Variants in NKAIN3 observed in about 807,000 individuals in gnomAD.
NKAIN3 encodes the protein sodium/potassium transporting ATPase interacting 3.
Under a neutral mutation model 30.2 loss-of-function variants are expected in NKAIN3, and 25 were observed. The observed-to-expected ratio is 0.83, with a 90% confidence interval of 0.60 to 1.16. The LOEUF is 1.16. Ranked by LOEUF, NKAIN3 falls within the 50% of genes most tolerant of loss-of-function variation. The probability of loss-of-function intolerance (pLI) is 0.00; values close to 1 mark genes in which losing one functional copy is unlikely to be tolerated. For synonymous variants in NKAIN3, 91 were observed against 89.6 expected, an observed-to-expected ratio of 1.02 and a Z score of -0.09; for missense variants, 225 against 254.1, an observed-to-expected ratio of 0.89 and a Z score of 0.78.
chr8:62,643,346 G>C (rs1812363288), intron 3 of NKAIN3, among the ~76,000 whole-genome samples: 1 of 152,136 alleles, frequency 6.6e-6, no homozygotes, highest in Non-Finnish European at 1.5e-5. Flanking sequence ...ATTTTCTGCA[G>C]GCTGGCCTCC....
chr8:62,801,155 T>C (rs189162026), intron 4 of NKAIN3, among the ~76,000 whole-genome samples: 4,152 of 152,320 alleles, frequency 0.027, 203 homozygotes, highest in African/African-American at 0.095. Flanking sequence ...CAAGGAGGCC[T>C]GCCTGCCTCT....
chr8:62,288,947 G>T (rs1585637302), intron 1 of NKAIN3, among the ~76,000 whole-genome samples: 1 of 152,208 alleles, frequency 6.6e-6, no homozygotes. Context: ...ACTGGTGTGA[G>T]ATGGTATCAC....
At chr8:62,897,689 T>C (rs923818121) in intron 4 of NKAIN3, among the ~76,000 whole-genome samples, 1 of 152,146 alleles carries the variant, frequency 6.6e-6, no homozygotes, top group Non-Finnish European at 1.5e-5. Context: ...GGAAGGTGTT[T>C]GAGTCAGTGG....
At chr8:62,445,584 A>T (rs182094517) in intron 1 of NKAIN3, among the ~76,000 whole-genome samples, 1 of 152,278 alleles carries the variant, frequency 6.6e-6, no homozygotes, top group East Asian at 1.9e-4. Flanking sequence ...TGAGAAGGTG[A>T]AATACAAGTT....
At chr8:62,571,798 A>G (rs1335768992) in intron 1 of NKAIN3, among the ~76,000 whole-genome samples, 2 of 152,100 alleles carry the variant, frequency 1.3e-5, no homozygotes, top group Non-Finnish European at 2.9e-5. Context: ...CCTGAGCTCT[A>G]TGTTGGCTCC....
chr8:62,793,223 C>T (rs1051754553), intron 4 of NKAIN3, among the ~76,000 whole-genome samples: 2 of 151,922 alleles, frequency 1.3e-5, no homozygotes, highest in African/African-American at 2.4e-5. Context: ...TCCCAAAAGT[C>T]CAAGAACAAG....
At chr8:62,736,361 T>C (rs756567388) in intron 3 of NKAIN3, among the ~76,000 whole-genome samples, 1 of 152,144 alleles carries the variant, frequency 6.6e-6, no homozygotes, top group Non-Finnish European at 1.5e-5. Flanking sequence ...CTGTGGTTAC[T>C]GTGGGGGTTG....
chr8:62,509,079 A>G (rs369170094), intron 1 of NKAIN3, among the ~76,000 whole-genome samples: 344 of 152,246 alleles, frequency 2.3e-3, no homozygotes, highest in African/African-American at 7.9e-3. Flanking sequence ...AAAAATACCT[A>G]CAACAAGTGA....
chr8:62,552,335 G>C (rs1213695871), intron 1 of NKAIN3, among the ~76,000 whole-genome samples: 1 of 152,160 alleles, frequency 6.6e-6, no homozygotes, highest in Non-Finnish European at 1.5e-5. Context: ...GCATGAGTCT[G>C]ATAATCCCTC....
At chr8:62,826,484 C>A (rs557295982) in intron 4 of NKAIN3, among the ~76,000 whole-genome samples, 4 of 152,122 alleles carry the variant, frequency 2.6e-5, no homozygotes, top group Non-Finnish European at 5.9e-5. Context: ...ATTAAAATTT[C>A]CTTGGAGCAA....
intron 3 of NKAIN3, among the ~76,000 whole-genome samples, chr8:62,700,894 T>C (rs1315428045): frequency 1.3e-5 from 2 of 152,344 alleles, no homozygotes; most frequent in East Asian, 3.9e-4. Context: ...CTTCCATCCA[T>C]TTAGTTTATG....
chr8:62,849,303 T>G lies in NKAIN3; in HGVS notation c.472-69150T>G, dbSNP rs977631432. ...ATTCATCTGGTCCTGGGCTTTTTTTTTTTTTTTTTTTGGTTGGTAGGTTAT... is the reference window on the plus strand; with the variant it reads ...ATTCATCTGGTCCTGGGCTTTTTTTGTTTTTTTTTTTGGTTGGTAGGTTAT... On this transcript the variant is annotated intron_variant, in intron 4 of 6. Coordinates refer to ENST00000623646, the MANE Select transcript of NKAIN3 (RefSeq NM_001304533.3). 2.6e-5 allele frequency among the ~76,000 whole-genome samples: 4 copies of G among 151,044 alleles called. No individual in the cohort carries two copies. The South Asian group carries it at 6.3e-4, about 24-fold the overall frequency.
chr8:62,583,825 A>G (rs975231147), intron 2 of NKAIN3, among the ~76,000 whole-genome samples: 8 of 152,214 alleles, frequency 5.3e-5, no homozygotes, highest in African/African-American at 1.9e-4. Flanking sequence ...GTCTTATTCT[A>G]ATATGGGTAT....
At chr8:62,510,174 A>G (rs1246711038) in intron 1 of NKAIN3, among the ~76,000 whole-genome samples, 15 of 152,142 alleles carry the variant, frequency 9.9e-5, no homozygotes, top group Admixed American at 9.8e-4. Flanking sequence ...GTGAAGACCA[A>G]ATTGAGTTTG....
At chr8:62,776,213 C>CT (rs1156679744) in intron 4 of NKAIN3, among the ~76,000 whole-genome samples, 2 of 152,044 alleles carry the variant, frequency 1.3e-5, no homozygotes, top group South Asian at 2.1e-4. Flanking sequence ...CTTTTCCTTT[C>CT]TTTTTTCTAT....
At chr8:62,750,607 G>A (rs1246040251) in intron 4 of NKAIN3, among the ~76,000 whole-genome samples, 1 of 152,112 alleles carries the variant, frequency 6.6e-6, no homozygotes, top group Admixed American at 6.5e-5. Context: ...GGGGTGCCAC[G>A]TGCATCCTCC....
intron 1 of NKAIN3, chr8:62,474,223 C>A (rs1045385974): frequency 6.6e-6 from 1 of 152,186 alleles, no homozygotes; most frequent in Non-Finnish European, 1.5e-5. Flanking sequence ...AAAATATATA[C>A]TTTTCCTTAA....
At chr8:62,892,034 A>C (rs72655033) in intron 4 of NKAIN3, among the ~76,000 whole-genome samples, 3,148 of 152,254 alleles carry the variant, frequency 0.021, 52 homozygotes, top group South Asian at 0.027. Flanking sequence ...CAAACAACAA[A>C]ACTAGGGCTG....
rs557430901 is a variant in NKAIN3 at position 62,335,351 on chromosome 8, G to A, written c.54+86224G>A. 1.8e-3 allele frequency among the ~76,000 whole-genome samples: 276 copies of A among 151,172 alleles called. 1 individual carries two copies. The highest frequency in any genetic ancestry group is 6.4e-3 in the African/African-American group (265 of 41,176). ...TGAGATGAGAGAACTGCTTGAACTC[G>A]GGAGGTGGAGGTTGCAGTGAGCCAA... On this transcript the variant is annotated intron_variant, in intron 1 of 6. Coordinates refer to ENST00000623646, the MANE Select transcript of NKAIN3 (RefSeq NM_001304533.3).
Sources: gnomAD v4.1 joint callset for allele counts (sites outside exome capture counted in the v4.1 genomes callset) on GRCh38, gnomAD v4.1.1 for gene constraint, MANE v1.5 for transcripts, NCBI Gene and HGNC (gene_info 2026-07-23, HGNC 2026-07-21) for gene names.